RGS22: variants seen among roughly 807,000 people sequenced by gnomAD.
The protein encoded by RGS22 is regulator of G-protein signaling 22.
RGS22 carries 148 observed loss-of-function variants against 172.9 expected under a neutral mutation model. The ratio of observed to expected loss-of-function variants is 0.86; its 90% CI spans 0.75 to 0.98. The LOEUF is 0.98. RGS22 is among the 50% of genes least tolerant of loss of function. RGS22 has a pLI of 0.00. For missense variants in RGS22, 1,347 were observed against 1,440.8 expected (o/e 0.93, Z 1.05); for synonymous variants, 458 against 480.2 (o/e 0.95, Z 0.60).
At chr8:100,067,532 CA>C (rs943256812) in intron 6 of RGS22, among the ~76,000 whole-genome samples, 13 of 150,336 alleles carry the variant, frequency 8.6e-5, no homozygotes, top group Non-Finnish European at 1.9e-4. Flanking sequence ...ATTTCAACTG[CA>C]AAAAAAGAAT....
chr8:100,051,771 TTA>T lies in RGS22; in HGVS notation c.1689+1029_1689+1030del, dbSNP rs1180507497. ...TATTTATATATTTATATATAAATGT[TTA>T]TATATATTTATATATAAATATATAT... On this transcript the variant is annotated intron_variant, in intron 10 of 27. Coordinates refer to ENST00000360863, the MANE Select transcript of RGS22 (RefSeq NM_015668.5). 2.3e-4 allele frequency among the ~76,000 whole-genome samples: 16 copies of T among 69,750 alleles called. 4 individuals carry two copies. The highest frequency in any genetic ancestry group is 1.2e-4 in the African/African-American group (2 of 16,312). The allele number at this position is 69,750 out of a possible 152,430, so 45.8% of individuals were successfully genotyped here.
At chr8:100,080,417 G>GTA (rs926180116) in intron 3 of RGS22, 62 bp from the exon 4 acceptor site, 1 of 1,224,910 alleles carries the variant, frequency 8.2e-7, no homozygotes, top group Admixed American at 2.3e-5. Context: ...TGGTCTCTAA[G>GTA]AAGACTTGTG....
At chr8:100,015,118 A>G (rs1816806096) in intron 14 of RGS22, among the ~76,000 whole-genome samples, 1 of 152,208 alleles carries the variant, frequency 6.6e-6, no homozygotes. Context: ...TAATACTAAT[A>G]GTTTTAGACC....
At chr8:100,019,849 A>G (rs1405001086) in intron 14 of RGS22, among the ~76,000 whole-genome samples, 2 of 152,120 alleles carry the variant, frequency 1.3e-5, no homozygotes, top group Admixed American at 1.3e-4. Context: ...CCAAGACAGT[A>G]TAAGAACTAT....
chr8:100,092,332 C>A (rs897935544), intron 3 of RGS22, among the ~76,000 whole-genome samples: 1 of 152,070 alleles, frequency 6.6e-6, no homozygotes, highest in African/African-American at 2.4e-5. Flanking sequence ...TTTATGACCC[C>A]TCATTTCACT....
intron 3 of RGS22, among the ~76,000 whole-genome samples, chr8:100,083,763 C>T (rs945633609): frequency 1.3e-5 from 2 of 151,438 alleles, no homozygotes; most frequent in African/African-American, 4.9e-5. Context: ...AATGAGCTTA[C>T]AACACAACTC....
At chr8:100,084,788 C>T (rs1302753845) in intron 3 of RGS22, among the ~76,000 whole-genome samples, 1 of 152,158 alleles carries the variant, frequency 6.6e-6, no homozygotes, top group Admixed American at 6.5e-5. Context: ...TTGCCCTAAA[C>T]CTAGAGGATA....
intron 9 of RGS22, 76 bp downstream of exon 9, chr8:100,062,515 C>A: frequency 1.1e-6 from 1 of 943,600 alleles, no homozygotes. Context: ...AGTTATATAT[C>A]CGTAAGACAA....
At chr8:100,081,462 G>A (rs955675500) in intron 3 of RGS22, among the ~76,000 whole-genome samples, 2 of 151,442 alleles carry the variant, frequency 1.3e-5, no homozygotes, top group African/African-American at 4.8e-5. Context: ...GTACATGGAT[G>A]ATACGGTTCA....
intron 14 of RGS22, among the ~76,000 whole-genome samples, chr8:100,033,236 T>C (rs916822305): frequency 1.3e-5 from 2 of 152,108 alleles, no homozygotes; most frequent in African/African-American, 2.4e-5. Flanking sequence ...AGGAGCTGGT[T>C]TTTTGAAAAG....
chr8:100,027,131 C>T (rs1033788837), intron 14 of RGS22, among the ~76,000 whole-genome samples: 3 of 151,710 alleles, frequency 2.0e-5, no homozygotes, highest in South Asian at 2.1e-4. Context: ...TAGGGGGCAC[C>T]GAGGTGGTAG....
intron 18 of RGS22, among the ~76,000 whole-genome samples, chr8:100,001,202 T>TTATATATATATATATATATATACATA (rs140189906): frequency 8.0e-5 from 10 of 124,774 alleles, no homozygotes; most frequent in African/African-American, 2.1e-4. Flanking sequence ...TCCCAATTTT[T>TTATATATATATATATATATATACATA]TATATATATA....
At chr8:100,020,397 A>G (rs1563625276) in intron 14 of RGS22, among the ~76,000 whole-genome samples, 1 of 152,232 alleles carries the variant, frequency 6.6e-6, no homozygotes, top group Non-Finnish European at 1.5e-5. Flanking sequence ...TGAAGTTCAC[A>G]GTAAACTGTG....
At chr8:100,103,573 C>T (rs1813673199) in intron 2 of RGS22, among the ~76,000 whole-genome samples, 1 of 152,032 alleles carries the variant, frequency 6.6e-6, no homozygotes, top group South Asian at 2.1e-4. Context: ...CCAATAACCG[C>T]TGGATATACA....
intron 14 of RGS22, among the ~76,000 whole-genome samples, chr8:100,011,422 T>C: frequency 6.6e-6 from 1 of 152,196 alleles, no homozygotes; most frequent in East Asian, 1.9e-4. Context: ...TCCTCTTGGC[T>C]TTCTTACAGT....
At chr8:100,089,065 C>G (rs1812365528) in intron 3 of RGS22, among the ~76,000 whole-genome samples, 1 of 151,924 alleles carries the variant, frequency 6.6e-6, no homozygotes, top group Admixed American at 6.6e-5. Context: ...ACAGAAAAGA[C>G]CTGTCCTTGC....
chr8:100,015,822 T>C (rs1816888632), intron 14 of RGS22, among the ~76,000 whole-genome samples: 1 of 152,176 alleles, frequency 6.6e-6, no homozygotes, highest in Non-Finnish European at 1.5e-5. Flanking sequence ...CCCAGGTTAC[T>C]GTCTGCTACC....
At chr8:100,012,971 G>A (rs1008087312) in intron 14 of RGS22, among the ~76,000 whole-genome samples, 4 of 146,488 alleles carry the variant, frequency 2.7e-5, no homozygotes, top group Admixed American at 6.9e-5. Flanking sequence ...TCAGGATAAC[G>A]CCTTTGATTT....
intron 11 of RGS22, among the ~76,000 whole-genome samples, chr8:100,045,281 A>AG (rs2131628461): frequency 6.6e-6 from 1 of 152,212 alleles, no homozygotes; most frequent in East Asian, 1.9e-4. Context: ...GAAAAAAAAA[A>AG]GACTACCTTA....
Sources: allele counts gnomAD v4.1 joint callset (sites outside exome capture counted in the v4.1 genomes callset), GRCh38; gene constraint gnomAD v4.1.1; transcripts MANE v1.5; gene names NCBI Gene and HGNC (gene_info 2026-07-23, HGNC 2026-07-21).